Variants in XKR4 observed in about 807,000 individuals in gnomAD.
XKR4 encodes the protein XK-related protein 4.
In XKR4, 12 loss-of-function variants were observed where a neutral mutation model predicts 53.9. The ratio of observed to expected loss-of-function variants is 0.22; its 90% confidence interval spans 0.14 to 0.36. XKR4 has a LOEUF of 0.36. XKR4 is among the 10% of genes least tolerant of loss of function. The pLI, the probability that XKR4 is intolerant of heterozygous loss-of-function variation, is 1.00. For synonymous variants in XKR4, 354 were observed against 362.4 expected (o/e 0.98, Z 0.26); for missense variants, 799 against 859.5 (o/e 0.93, Z 0.88).
intron 1 of XKR4, chr8:55,142,014 T>C: frequency 4.4e-6 from 2 of 450,928 alleles, no homozygotes; most frequent in South Asian, 3.1e-5. Context: ...CTGGGCTGGC[T>C]TAAGAGACTG....
intron 2 of XKR4, among the ~76,000 whole-genome samples, chr8:55,420,759 C>T (rs892984201): frequency 4.7e-5 from 7 of 150,478 alleles, no homozygotes; most frequent in East Asian, 3.9e-4. Flanking sequence ...ACATTGTGCA[C>T]GTGTACCCTA....
chr8:55,474,605 AC>A (rs1473686288), intron 2 of XKR4, among the ~76,000 whole-genome samples: 2 of 152,182 alleles, frequency 1.3e-5, no homozygotes, highest in Non-Finnish European at 2.9e-5. Context: ...TAGAATATAG[AC>A]AAAAATTGGG....
At chr8:55,329,270 T>C (rs1585523537) in intron 1 of XKR4, among the ~76,000 whole-genome samples, 2 of 151,884 alleles carry the variant, frequency 1.3e-5, no homozygotes, top group South Asian at 4.2e-4. Flanking sequence ...GCCTATAGAG[T>C]CTTAAGCTTG....
intron 2 of XKR4, among the ~76,000 whole-genome samples, chr8:55,402,313 G>A (rs16921735): frequency 0.027 from 4,120 of 152,284 alleles, 167 homozygotes; most frequent in African/African-American, 0.093. Flanking sequence ...TTGCTCTGGG[G>A]CCACCTTCAC....
chr8:55,103,378 G>T, intron 1 of XKR4, 84 bp downstream of exon 1: 1 of 1,511,040 alleles, frequency 6.6e-7, no homozygotes, highest in South Asian at 1.3e-5. Flanking sequence ...AATCTTTCAG[G>T]GTTGCTTTGG....
intron 1 of XKR4, among the ~76,000 whole-genome samples, chr8:55,300,153 C>T (rs1043772551): frequency 2.6e-5 from 4 of 152,036 alleles, no homozygotes; most frequent in East Asian, 1.9e-4. Flanking sequence ...GTGGTTCAGT[C>T]GAACCAGGGG....
chr8:55,471,465 G>C (rs547141463), intron 2 of XKR4, among the ~76,000 whole-genome samples: 1 of 152,058 alleles, frequency 6.6e-6, no homozygotes, highest in African/African-American at 2.4e-5. Context: ...TCGGAGTTGG[G>C]GCCCGGCCAT....
intron 2 of XKR4, among the ~76,000 whole-genome samples, chr8:55,467,202 A>G (rs1045783906): frequency 3.3e-5 from 5 of 152,090 alleles, no homozygotes; most frequent in African/African-American, 1.2e-4. Context: ...CATCTCCACA[A>G]TAGGAAAATG....
chr8:55,121,052 TG>T (rs879618227), intron 1 of XKR4, among the ~76,000 whole-genome samples: 5 of 152,224 alleles, frequency 3.3e-5, no homozygotes, highest in African/African-American at 4.8e-5. Context: ...ATAGCTCATT[TG>T]TTTTTAATGC....
intron 1 of XKR4, among the ~76,000 whole-genome samples, chr8:55,196,899 G>A (rs953773742): frequency 3.3e-5 from 5 of 152,140 alleles, no homozygotes; most frequent in African/African-American, 1.2e-4. Flanking sequence ...TATGTGATTG[G>A]ACGGACGCTA....
intron 1 of XKR4, among the ~76,000 whole-genome samples, chr8:55,328,583 G>A (rs1803329047): frequency 6.6e-6 from 1 of 152,170 alleles, no homozygotes; most frequent in African/African-American, 2.4e-5. Context: ...TGTGTTTCCT[G>A]CAATCCAATC....
chr8:55,238,040 G>C (rs1818158829), intron 1 of XKR4, among the ~76,000 whole-genome samples: 1 of 152,154 alleles, frequency 6.6e-6, no homozygotes, highest in Non-Finnish European at 1.5e-5. Context: ...TTTCCTCTGA[G>C]ACAGTGATAT....
intron 2 of XKR4, among the ~76,000 whole-genome samples, chr8:55,435,641 C>T (rs1805164094): frequency 6.6e-6 from 1 of 151,174 alleles, no homozygotes; most frequent in Non-Finnish European, 1.5e-5. Flanking sequence ...ATGAACACAG[C>T]TAACTGCAGC....
intron 2 of XKR4, among the ~76,000 whole-genome samples, chr8:55,521,493 T>C (rs1806797441): frequency 6.6e-6 from 1 of 152,216 alleles, no homozygotes; most frequent in South Asian, 2.1e-4. Flanking sequence ...TGTATACTGG[T>C]CTCTGACCTA....
intron 2 of XKR4, among the ~76,000 whole-genome samples, chr8:55,456,463 G>GA (rs970016169): frequency 2.6e-5 from 4 of 151,690 alleles, no homozygotes; most frequent in African/African-American, 9.7e-5. Flanking sequence ...GAAAGAAAAA[G>GA]AAAAAAAGAA....
chr8:55,207,068 A>G (rs973579729), intron 1 of XKR4, among the ~76,000 whole-genome samples: 6 of 152,232 alleles, frequency 3.9e-5, no homozygotes, highest in African/African-American at 1.4e-4. Context: ...CACTCTCCCC[A>G]AATTCCCAAA....
At chr8:55,365,707 C>CAA (rs397932881) in intron 2 of XKR4, among the ~76,000 whole-genome samples, 1,244 of 75,982 alleles carry the variant, frequency 0.016, 20 homozygotes, top group Middle Eastern at 0.043. Context: ...AACTTCGTCT[C>CAA]AAAAAAAAAA....
intron 1 of XKR4, among the ~76,000 whole-genome samples, chr8:55,166,065 A>T (rs1288231846): frequency 1.3e-5 from 2 of 152,188 alleles, no homozygotes; most frequent in South Asian, 4.1e-4. Context: ...GAAAACATAC[A>T]TGTAGTGAGG....
chr8:55,308,425 A>AGT (rs770952503), intron 1 of XKR4, among the ~76,000 whole-genome samples: 10 of 152,168 alleles, frequency 6.6e-5, no homozygotes, highest in Non-Finnish European at 1.5e-4. Context: ...CAGGAGAGAG[A>AGT]GTGTGTGTGA....
Sources: gnomAD v4.1 joint callset for allele counts (sites outside exome capture counted in the v4.1 genomes callset) on GRCh38, gnomAD v4.1.1 for gene constraint, MANE v1.5 for transcripts, NCBI Gene and HGNC (gene_info 2026-07-23, HGNC 2026-07-21) for gene names.